SOX6: variants seen among roughly 807,000 people sequenced by gnomAD.
SOX6 encodes SRY-box transcription factor 6.
In SOX6, 11 loss-of-function variants were observed where a neutral mutation model predicts 97.8. That is an observed-to-expected ratio of 0.11 (90% CI 0.07 to 0.19). SOX6 has a LOEUF of 0.19. Ranked by LOEUF, SOX6 falls within the 10% of genes least tolerant of loss-of-function variation. The pLI is 1.00. For missense variants in SOX6, 810 were observed against 1,039.5 expected, an observed-to-expected ratio of 0.78 and a Z score of 3.04; for synonymous variants, 360 against 371.4, an observed-to-expected ratio of 0.97 and a Z score of 0.35.
intron 13 of SOX6, among the ~76,000 whole-genome samples, chr11:16,002,435 T>A (rs989212259): frequency 6.6e-6 from 1 of 152,160 alleles, no homozygotes; most frequent in Non-Finnish European, 1.5e-5. Context: ...TTTACACAGA[T>A]AGCTAAACAG....
chr11:16,484,828 T>C (rs571927777), intron 4 of SOX6, among the ~76,000 whole-genome samples: 6 of 152,346 alleles, frequency 3.9e-5, no homozygotes, highest in East Asian at 3.9e-4. Context: ...AGAATTCTTA[T>C]AGAGTTGAAC....
chr11:16,505,264 C>T lies in SOX6; in HGVS notation n.610-28876G>A, dbSNP rs143222223. 8.9e-3 allele frequency among the ~76,000 whole-genome samples: 1,350 copies of T among 152,280 alleles called. 21 individuals carry two copies. The highest frequency in any genetic ancestry group is 0.031 in the African/African-American group (1,289 of 41,542). On this transcript the variant is annotated intron_variant and non_coding_transcript_variant, in intron 4 of 5. Coordinates refer to the SOX6 transcript ENST00000524520. ...ATGGAGATGAGGAACTTATTGGGAA[C>T]TGGAGCAAAGGTCACTCTTGCTATG... is the stretch of plus-strand genomic sequence containing the variant.
intron 9 of SOX6, among the ~76,000 whole-genome samples, chr11:16,093,246 T>A (rs1437066723): frequency 2.0e-5 from 3 of 151,988 alleles, no homozygotes; most frequent in Non-Finnish European, 2.9e-5. Context: ...CATGCCTGCA[T>A]CTGCTGAACT....
intron 3 of SOX6, among the ~76,000 whole-genome samples, chr11:16,304,167 C>T (rs565123234): frequency 1.3e-5 from 2 of 152,240 alleles, no homozygotes; most frequent in South Asian, 2.1e-4. Context: ...CCACCCTCTT[C>T]GGTCTTCCAA....
At chr11:16,524,070 T>A (rs1662990707) in intron 4 of SOX6, among the ~76,000 whole-genome samples, 1 of 152,192 alleles carries the variant, frequency 6.6e-6, no homozygotes, top group Admixed American at 6.5e-5. Context: ...CTGGTACCAT[T>A]CCTTCTGAAA....
intron 4 of SOX6, among the ~76,000 whole-genome samples, chr11:16,522,132 C>T (rs1260805351): frequency 6.6e-6 from 1 of 152,012 alleles, no homozygotes; most frequent in Non-Finnish European, 1.5e-5. Flanking sequence ...ACAGAGAACG[C>T]CACAAAGATA....
At chr11:16,377,280 T>C (rs1220062252) in intron 1 of SOX6, among the ~76,000 whole-genome samples, 2 of 152,092 alleles carry the variant, frequency 1.3e-5, no homozygotes, top group African/African-American at 2.4e-5. Flanking sequence ...CTTCTTACTG[T>C]ACAACTACTC....
intron 1 of SOX6, among the ~76,000 whole-genome samples, chr11:16,456,957 G>A (rs941350540): frequency 6.6e-6 from 1 of 151,942 alleles, no homozygotes; most frequent in South Asian, 2.1e-4. Context: ...AAAATCAAAG[G>A]TTTTTAAACT....
intron 12 of SOX6, among the ~76,000 whole-genome samples, chr11:16,021,690 A>C (rs1337838477): frequency 6.6e-6 from 1 of 152,036 alleles, no homozygotes; most frequent in Non-Finnish European, 1.5e-5. Flanking sequence ...AAAGCTATTA[A>C]TTTGTCTAGT....
chr11:16,113,422 T>A (rs1215018173), intron 6 of SOX6, among the ~76,000 whole-genome samples: 1 of 152,176 alleles, frequency 6.6e-6, no homozygotes, highest in African/African-American at 2.4e-5. Flanking sequence ...TACATTAGAG[T>A]ACAAACTAAG....
At chr11:16,351,249 G>A (rs1856939842) in intron 1 of SOX6, among the ~76,000 whole-genome samples, 1 of 151,890 alleles carries the variant, frequency 6.6e-6, no homozygotes, top group Non-Finnish European at 1.5e-5. Context: ...GAATCATCAA[G>A]GTTCAAAACA....
intron 4 of SOX6, among the ~76,000 whole-genome samples, chr11:16,213,488 A>C (rs534005491): frequency 1.7e-4 from 26 of 152,292 alleles, no homozygotes; most frequent in Non-Finnish European, 3.5e-4. Context: ...ATTAAATACA[A>C]TGAAAAATAC....
At chr11:16,714,640 C>T (rs1848206982) in intron 3 of SOX6, among the ~76,000 whole-genome samples, 2 of 151,854 alleles carry the variant, frequency 1.3e-5, no homozygotes, top group Non-Finnish European at 2.9e-5. Flanking sequence ...TTAGTAGAGA[C>T]GGGGTTTCAC....
At chr11:16,025,112 T>C (rs991088214) in intron 12 of SOX6, among the ~76,000 whole-genome samples, 1 of 152,212 alleles carries the variant, frequency 6.6e-6, no homozygotes, top group Non-Finnish European at 1.5e-5. Context: ...TTCTGTCTCA[T>C]TCATATGGTT....
intron 12 of SOX6, among the ~76,000 whole-genome samples, chr11:16,037,486 A>G (rs1042694486): frequency 6.6e-6 from 1 of 152,208 alleles, no homozygotes; most frequent in African/African-American, 2.4e-5. Flanking sequence ...ATGGAGTTCC[A>G]CCTACAGAAC....
intron 4 of SOX6, among the ~76,000 whole-genome samples, chr11:16,547,932 A>T (rs2133182372): frequency 6.6e-6 from 1 of 152,276 alleles, no homozygotes; most frequent in East Asian, 1.9e-4. Flanking sequence ...AATTGTTTTT[A>T]AAAATAATTA....
intron 1 of SOX6, among the ~76,000 whole-genome samples, chr11:16,475,531 G>A (rs1295326570): frequency 6.6e-6 from 1 of 152,152 alleles, no homozygotes; most frequent in Non-Finnish European, 1.5e-5. Flanking sequence ...ACAGCCAGTT[G>A]GTGGAACAAT....
At chr11:16,380,080 AG>A (rs1857766277) in intron 1 of SOX6, among the ~76,000 whole-genome samples, 1 of 151,910 alleles carries the variant, frequency 6.6e-6, no homozygotes, top group African/African-American at 2.4e-5. Flanking sequence ...CAATACAAAA[AG>A]TGTATATACC....
chr11:15,974,723 G>C, intron 15 of SOX6, among the ~76,000 whole-genome samples: 1 of 152,030 alleles, frequency 6.6e-6, no homozygotes, highest in East Asian at 1.9e-4. Flanking sequence ...AGAGGGAGAA[G>C]GGATGCAGAT....
Sources: allele counts gnomAD v4.1 joint callset (sites outside exome capture counted in the v4.1 genomes callset), GRCh38; gene constraint gnomAD v4.1.1; transcripts MANE v1.5; gene names NCBI Gene and HGNC (gene_info 2026-07-23, HGNC 2026-07-21).